The following SOHLH2 variants were observed in gnomAD, a reference collection of about 807,000 sequenced individuals.
SOHLH2 encodes the protein spermatogenesis- and oogenesis-specific basic helix-loop-helix-containing protein 2.
SOHLH2 carries 22 observed loss-of-function variants against 50.4 expected under a neutral mutation model. The ratio of observed to expected loss-of-function variants is 0.44; its 90% confidence interval spans 0.31 to 0.62. The LOEUF (loss-of-function observed/expected upper bound fraction) is 0.62, where lower values mean the gene tolerates loss of function less well. Ranked by LOEUF, SOHLH2 falls within the 20% of genes least tolerant of loss-of-function variation. SOHLH2 has a pLI of 0.08. For synonymous variants in SOHLH2, 185 were observed against 187.3 expected (o/e 0.99, Z 0.10); for missense variants, 412 against 504.4 (o/e 0.82, Z 1.76).
At chr13:36,178,243 TATA>T (rs1207523136) in intron 6 of SOHLH2, among the ~76,000 whole-genome samples, 1 of 152,134 alleles carries the variant, frequency 6.6e-6, no homozygotes, top group East Asian at 1.9e-4. Flanking sequence ...CTAGAAGCTC[TATA>T]ATTTTAGCTT....
At chr13:36,192,038 T>A in intron 4 of SOHLH2, 144 bp from the exon 5 acceptor site, 1 of 934,330 alleles carries the variant, frequency 1.1e-6, no homozygotes, top group African/African-American at 1.7e-5. Flanking sequence ...CTGAAAGCAA[T>A]TTATAGATTT....
intron 4 of SOHLH2, among the ~76,000 whole-genome samples, chr13:36,193,159 T>G (rs1346085502): frequency 1.3e-5 from 2 of 152,202 alleles, no homozygotes; most frequent in Non-Finnish European, 2.9e-5. Flanking sequence ...ATTGAAGCAT[T>G]GACATTAATC....
At chr13:36,198,825 T>A (rs746883063) in intron 2 of SOHLH2, among the ~76,000 whole-genome samples, 1 of 152,250 alleles carries the variant, frequency 6.6e-6, no homozygotes, top group South Asian at 2.1e-4. Context: ...AGATTTGTGA[T>A]CATGTGCTCT....
chr13:36,172,453 T>C (rs1289135460), intron 9 of SOHLH2, among the ~76,000 whole-genome samples: 2 of 152,196 alleles, frequency 1.3e-5, no homozygotes, highest in South Asian at 2.1e-4. Context: ...TTTGGTGATA[T>C]GAAGAATCAG....
intron 6 of SOHLH2, among the ~76,000 whole-genome samples, chr13:36,180,616 T>TG (rs1887227136): frequency 6.6e-6 from 1 of 151,340 alleles, no homozygotes; most frequent in African/African-American, 2.4e-5. Flanking sequence ...ATTTTTTTTT[T>TG]TTGTTTTACC....
intron 9 of SOHLH2, among the ~76,000 whole-genome samples, chr13:36,171,094 G>A (rs981859988): frequency 6.6e-6 from 1 of 152,086 alleles, no homozygotes; most frequent in Non-Finnish European, 1.5e-5. Context: ...CTGAAGCAAG[G>A]AAGAAGGTTG....
chr13:36,203,086 A>C (rs775740309), intron 1 of SOHLH2, among the ~76,000 whole-genome samples: 13 of 152,142 alleles, frequency 8.5e-5, no homozygotes, highest in Admixed American at 2.6e-4. Flanking sequence ...TTTTTTTATA[A>C]AATAGTCAAC....
chr13:36,213,399 A>C (rs1450965853), intron 1 of SOHLH2, among the ~76,000 whole-genome samples: 1 of 152,200 alleles, frequency 6.6e-6, no homozygotes, highest in Non-Finnish European at 1.5e-5. Flanking sequence ...CATTTCAGAA[A>C]GCTTGCTCTT....
chr13:36,181,876 A>G (rs1049724103), intron 6 of SOHLH2: 6 of 394,104 alleles, frequency 1.5e-5, no homozygotes, highest in East Asian at 1.6e-4. Context: ...GTGTCAAAAT[A>G]TCTAAGTTGT....
chr13:36,205,655 C>T (rs187263736), intron 1 of SOHLH2, among the ~76,000 whole-genome samples: 30 of 152,096 alleles, frequency 2.0e-4, no homozygotes, highest in Non-Finnish European at 3.5e-4. Context: ...CATCTATGTT[C>T]ATAAATGAAT....
chr13:36,173,991 G>T (rs1396834237), intron 8 of SOHLH2, among the ~76,000 whole-genome samples, 181 bp from the exon 9 acceptor site: 1 of 152,234 alleles, frequency 6.6e-6, no homozygotes, highest in African/African-American at 2.4e-5. Context: ...GTGCAGGAAT[G>T]ATGTGCTTTT....
At chr13:36,204,753 T>C (rs1040424400) in intron 1 of SOHLH2, among the ~76,000 whole-genome samples, 2 of 152,224 alleles carry the variant, frequency 1.3e-5, no homozygotes, top group African/African-American at 2.4e-5. Context: ...TCAGTTATTA[T>C]ATATTTTCCA....
intron 2 of SOHLH2, among the ~76,000 whole-genome samples, chr13:36,195,267 A>C (rs1243273446): frequency 1.3e-5 from 2 of 152,192 alleles, no homozygotes; most frequent in Non-Finnish European, 2.9e-5. Flanking sequence ...TAGACACAGA[A>C]AAGGCTGGGG....
At chr13:36,195,174 G>C (rs913889707) in intron 2 of SOHLH2, among the ~76,000 whole-genome samples, 20 of 152,270 alleles carry the variant, frequency 1.3e-4, no homozygotes, top group Admixed American at 1.2e-3. Flanking sequence ...AACCAAAAGG[G>C]CCAAGAGGAG....
Position 36,183,057 on chromosome 13 carries a change from AAG to A in SOHLH2, c.641+6887_641+6888del, listed in dbSNP as rs77385586. The A allele has an allele frequency of 4.2e-4, 92 of 220,296 alleles. 1 individual carries two copies. The East Asian group carries it at 6.3e-3, about 15-fold the overall frequency. 13.6% of individuals were successfully genotyped at this position (220,296 alleles called of 1,614,324 possible). On this transcript the variant is annotated intron_variant, in intron 6 of 10. Transcript: ENST00000379881. The stretch of plus-strand genomic sequence containing the variant: ...GTTCATGCAAGATCTGGTGGTTTAA[AAG>A]AGTTTGGGGCCTCTCCTTTCTCTCT...
chr13:36,205,662 G>T (rs1868716927), intron 1 of SOHLH2, among the ~76,000 whole-genome samples: 1 of 151,964 alleles, frequency 6.6e-6, no homozygotes, highest in South Asian at 2.1e-4. Context: ...GTTCATAAAT[G>T]AATCTTGATA....
intron 2 of SOHLH2, among the ~76,000 whole-genome samples, chr13:36,200,181 T>A (rs909766939): frequency 6.6e-6 from 1 of 152,144 alleles, no homozygotes; most frequent in Admixed American, 6.5e-5. Context: ...CTGTAAAAAA[T>A]TTTAAAATAT....
At chr13:36,209,481 G>A (rs1279933466) in intron 1 of SOHLH2, among the ~76,000 whole-genome samples, 1 of 152,174 alleles carries the variant, frequency 6.6e-6, no homozygotes, top group Non-Finnish European at 1.5e-5. Flanking sequence ...AATGTCTGGT[G>A]ATGGCACAAT....
At chr13:36,199,622 G>C (rs1887838574) in intron 2 of SOHLH2, among the ~76,000 whole-genome samples, 1 of 152,188 alleles carries the variant, frequency 6.6e-6, no homozygotes, top group Admixed American at 6.5e-5. Flanking sequence ...CTATACACTT[G>C]GTACCTTCAT....
Sources: allele counts gnomAD v4.1 joint callset (sites outside exome capture counted in the v4.1 genomes callset), GRCh38; gene constraint gnomAD v4.1.1; transcripts MANE v1.5; gene names NCBI Gene and HGNC (gene_info 2026-07-23, HGNC 2026-07-21).